SPMIP2: variants seen among roughly 807,000 people sequenced by gnomAD.
SPMIP2 encodes the protein sperm microtubule inner protein 2, also known as protein SPMIP2.
At chr4:158,917,201 G>T in the SPMIP2 span, among the ~76,000 whole-genome samples, 2 of 152,158 alleles carry the variant, frequency 1.3e-5, no homozygotes, top group African/African-American at 4.8e-5. Flanking sequence ...AGTGAGCCAA[G>T]ATCACACCAC....
chr4:159,007,507 C>A, the SPMIP2 span: 7 of 822,670 alleles, frequency 8.5e-6, no homozygotes, highest in Non-Finnish European at 1.2e-5. Context: ...ACCTGATCCT[C>A]AAGATTGAAG....
chr4:159,043,373 G>A, the SPMIP2 span, among the ~76,000 whole-genome samples: 1 of 152,096 alleles, frequency 6.6e-6, no homozygotes. Context: ...TTGAGACGGA[G>A]TCTCACTCTG....
At chr4:159,056,116 T>C in the SPMIP2 span, among the ~76,000 whole-genome samples, 1 of 152,202 alleles carries the variant, frequency 6.6e-6, no homozygotes, top group African/African-American at 2.4e-5. Flanking sequence ...TTGTATTTCA[T>C]TTGAAAGTGC....
chr4:159,016,243 C>G, the SPMIP2 span, among the ~76,000 whole-genome samples: 17 of 152,190 alleles, frequency 1.1e-4, no homozygotes, highest in Non-Finnish European at 2.1e-4. Flanking sequence ...CTCTATTAAT[C>G]AGACCATTAT....
the SPMIP2 span, among the ~76,000 whole-genome samples, chr4:158,945,889 TA>T: frequency 6.6e-6 from 1 of 152,218 alleles, no homozygotes; most frequent in Admixed American, 6.5e-5. Context: ...TGCCTGGACC[TA>T]AAATCTTAGC....
At chr4:159,034,628 T>C in the SPMIP2 span, among the ~76,000 whole-genome samples, 152,011 of 152,348 alleles carry the variant, frequency 1, 75,840 homozygotes, top group East Asian at 1. Flanking sequence ...TGGTGGCTGA[T>C]GCCTGTAATC....
chr4:158,914,970 C>T, the SPMIP2 span, among the ~76,000 whole-genome samples: 24 of 152,226 alleles, frequency 1.6e-4, no homozygotes, highest in African/African-American at 4.8e-4. Context: ...TTTTCTTTAA[C>T]TATAAAAGGT....
the SPMIP2 span, among the ~76,000 whole-genome samples, chr4:158,955,688 G>A: frequency 3.3e-5 from 5 of 152,214 alleles, no homozygotes; most frequent in African/African-American, 7.2e-5. Flanking sequence ...TTACAGGTGT[G>A]AGCCACTATG....
chr4:158,989,659 G>T, the SPMIP2 span, among the ~76,000 whole-genome samples: 2 of 152,146 alleles, frequency 1.3e-5, no homozygotes, highest in African/African-American at 4.8e-5. Context: ...AAATGGTGTT[G>T]GGAAAACTGG....
chr4:159,054,132 C>A, the SPMIP2 span, among the ~76,000 whole-genome samples: 2 of 152,032 alleles, frequency 1.3e-5, no homozygotes, highest in Non-Finnish European at 2.9e-5. Context: ...CAGGTGCATG[C>A]CATTACACCT....
the SPMIP2 span, chr4:158,905,991 TCA>T: frequency 2.0e-5 from 3 of 152,230 alleles, no homozygotes; most frequent in African/African-American, 4.8e-5. Context: ...TAGAATGACT[TCA>T]GTTTTTTCAT....
chr4:159,026,429 A>AAAGC, the SPMIP2 span: 2 of 965,756 alleles, frequency 2.1e-6, no homozygotes, highest in East Asian at 5.6e-5. Flanking sequence ...GATGGGAAGA[A>AAAGC]AAGCACAATA....
chr4:159,050,657 C>T, the SPMIP2 span, among the ~76,000 whole-genome samples: 117 of 151,760 alleles, frequency 7.7e-4, no homozygotes, highest in Non-Finnish European at 1.3e-3. Context: ...AAAAAATTAG[C>T]CATGGTGTGT....
At chr4:158,895,611 C>T in the SPMIP2 span, 8 of 609,146 alleles carry the variant, frequency 1.3e-5, no homozygotes, top group Non-Finnish European at 2.4e-5. Flanking sequence ...TTTGAGATGG[C>T]TTGTGATTTT....
chr4:158,972,672 G>A, the SPMIP2 span, among the ~76,000 whole-genome samples: 1 of 152,220 alleles, frequency 6.6e-6, no homozygotes, highest in Non-Finnish European at 1.5e-5. Context: ...TATCAGTACA[G>A]TGAATCTTAA....
the SPMIP2 span, among the ~76,000 whole-genome samples, chr4:159,039,546 T>C: frequency 6.6e-6 from 1 of 152,202 alleles, no homozygotes; most frequent in Non-Finnish European, 1.5e-5. Flanking sequence ...AATAAATTGA[T>C]GGCATTGACT....
chr4:158,917,068 G>C, the SPMIP2 span, among the ~76,000 whole-genome samples: 39 of 152,262 alleles, frequency 2.6e-4, no homozygotes, highest in Non-Finnish European at 4.7e-4. Context: ...GGCCAACATG[G>C]CAAAACCCAG....
the SPMIP2 span, among the ~76,000 whole-genome samples, chr4:158,917,797 C>T: frequency 2.1e-5 from 3 of 144,290 alleles, no homozygotes; most frequent in African/African-American, 7.8e-5. Flanking sequence ...TCTCAGCTCA[C>T]TGCAACCTCT....
chr4:158,939,711 C>T, the SPMIP2 span, among the ~76,000 whole-genome samples: 22 of 152,216 alleles, frequency 1.4e-4, no homozygotes, highest in East Asian at 3.5e-3. Flanking sequence ...GGTGTGGTGG[C>T]TCACACCTGT....
Sources: allele counts gnomAD v4.1 joint callset (sites outside exome capture counted in the v4.1 genomes callset), GRCh38; gene constraint gnomAD v4.1.1; transcripts MANE v1.5; gene names NCBI Gene and HGNC (gene_info 2026-07-23, HGNC 2026-07-21).